Variants in GIT1 observed in about 807,000 individuals in gnomAD.
GIT1 encodes the protein ARF GTPase-activating protein GIT1.
Under a neutral mutation model 91.7 loss-of-function variants are expected in GIT1, and 14 were observed. The ratio of observed to expected loss-of-function variants is 0.15; its 90% CI spans 0.10 to 0.24. The LOEUF (loss-of-function observed/expected upper bound fraction) is 0.24. GIT1 is among the 10% of genes least tolerant of loss of function. The pLI, the probability that GIT1 is intolerant of heterozygous loss-of-function variation, is 1.00. For missense variants in GIT1, 717 were observed against 1,024.9 expected, an observed-to-expected ratio of 0.70 and a Z score of 4.10; for synonymous variants, 414 against 418.2, an observed-to-expected ratio of 0.99 and a Z score of 0.12.
At chr17:29,582,182 G>A (rs757503564) in intron 4 of GIT1, 38 bp from the exon 5 acceptor site, 11 of 1,444,232 alleles carry the variant, frequency 7.6e-6, no homozygotes, top group East Asian at 2.5e-5. Context: ...ACGCATGTGC[G>A]TGAGGCGCAC....
intron 2 of GIT1, among the ~76,000 whole-genome samples, chr17:29,583,269 T>G (rs1002956428): frequency 5.3e-5 from 8 of 152,076 alleles, no homozygotes; most frequent in African/African-American, 1.9e-4. Context: ...CACGACCACG[T>G]TGATAAGTGG....
intron 1 of GIT1, among the ~76,000 whole-genome samples, chr17:29,584,037 C>T (rs1347199658): frequency 6.6e-6 from 1 of 152,242 alleles, no homozygotes; most frequent in African/African-American, 2.4e-5. Flanking sequence ...ACATGCCTGA[C>T]AGATCACACC....
chr17:29,577,109 C>G, intron 11 of GIT1, 27 bp downstream of exon 11: 1 of 1,609,170 alleles, frequency 6.2e-7, no homozygotes, highest in Non-Finnish European at 8.5e-7. Context: ...CGCCTGCTTC[C>G]CACACCCTCC....
chr17:29,589,342 C>A lies in GIT1; in HGVS notation c.37G>T (p.Asp13Tyr). ...CCGCGCTTACCCGGGGCGCTGCAGT[C>A]CGCACACACCTCCGCTCGCGGCCCC... ...RKGPRAEVCA[D>Y]CSAPDPGWAS... is the part of the protein sequence containing the mutation. Residue 13 changes from aspartate to tyrosine, a missense_variant, in exon 1 of 20, where the codon GAC (aspartate) becomes TAC (tyrosine). Around this residue, in one of 3 missense-constraint regions of GIT1, gnomAD observed 271 missense variants for 451.6 expected, o/e 0.60. Coordinates refer to ENST00000225394, the MANE Select transcript of GIT1 (RefSeq NM_014030.4). The surrounding 1 kb of genome is among the most constrained non-coding windows in gnomAD (Gnocchi z 5.2). The A allele has an allele frequency of 9.2e-7, 1 of 1,086,306 alleles. No homozygotes were observed. The highest frequency in any genetic ancestry group is 1.1e-6 in the Non-Finnish European group (1 of 884,828). 67.3% of individuals were successfully genotyped at this position (1,086,306 alleles called of 1,614,324 possible).
rs3211044 is a variant in GIT1 at position 29,574,040 on chromosome 17, C to G, written c.*662G>C. 1 of 152,286 alleles carries G rather than the reference C, an allele frequency of 6.6e-6. No homozygotes were observed. The highest frequency in any genetic ancestry group is 1.9e-4 in the East Asian group (1 of 5,166). The allele number at this position is 152,286 out of a possible 1,614,324, so 9.4% of individuals were successfully genotyped here. A position where few individuals can be genotyped will look rare whatever the true frequency, so the allele number is the denominator to read the frequency against. ...CTCCAGATGGACCAGGCCTCCGGAA[C>G]GGCACTGCCGCCCACACACTCAACA... On this transcript the variant is annotated 3_prime_UTR_variant, in exon 20 of 20. Coordinates refer to ENST00000225394, the MANE Select transcript of GIT1 (RefSeq NM_014030.4).
chr17:29,584,992 C>T (rs3110491), intron 1 of GIT1, among the ~76,000 whole-genome samples: 70,244 of 139,084 alleles, frequency 0.51, 19,043 homozygotes, highest in African/African-American at 0.69. Flanking sequence ...AGACGGAGTC[C>T]CGCTCTGTCG....
chr17:29,581,656 G>A lies in GIT1; in HGVS notation c.718+86C>T. 1 of 1,014,334 alleles carries A rather than the reference G, an allele frequency of 9.9e-7. No individual in the cohort carries two copies. Among genetic ancestry groups the A allele is most frequent in the Non-Finnish European group, 1.5e-6 (1 of 657,576 alleles). 62.8% of individuals were successfully genotyped at this position (1,014,334 alleles called of 1,614,324 possible). ...GCTCCCCAGCCGCTCTGTCACCATG[G>A]CACCTGCTGCCGGGTGCGTCCAGGT... On this transcript the variant is annotated intron_variant, in intron 6 of 19. Coordinates refer to ENST00000225394, the MANE Select transcript of GIT1 (RefSeq NM_014030.4). This position sits in a 1 kb window ranked among gnomAD's most constrained non-coding sequence, Gnocchi z 4.8.
In GIT1 at chr17:29,575,031, C is replaced by A. The variant is rs759797448; in HGVS notation, c.2073+48G>T. 6.6e-7 allele frequency: 1 copy of A among 1,508,358 alleles called. No homozygotes were observed. The highest frequency in any genetic ancestry group is 9.1e-7 in the Non-Finnish European group (1 of 1,103,942). The allele number at this position is 1,508,358 out of a possible 1,614,324, so 93.4% of individuals were successfully genotyped here. On this transcript the variant is annotated intron_variant, in intron 19 of 19. Coordinates refer to ENST00000225394, the MANE Select transcript of GIT1 (RefSeq NM_014030.4). The surrounding 1 kb of genome is among the most constrained non-coding windows in gnomAD (Gnocchi z 5.5). ...ATCAGATGGGATTCTCCACGCCTGC[C>A]CCAGCTCGAGGCCCTCCCACTCCTG...
In GIT1 at chr17:29,575,246, A is replaced by C. The variant is rs2033148476; in HGVS notation, c.2009+42T>G. The C allele has an allele frequency of 6.3e-7, 1 of 1,583,520 alleles. No individual in the cohort carries two copies. Among genetic ancestry groups the C allele is most frequent in the African/African-American group, 1.3e-5 (1 of 74,264 alleles). ...TGCTCTCTGCAACACCCTAGAAGCC[A>C]ACAGGAACTGCATCCCCCTCACCTC... On this transcript the variant is annotated intron_variant, in intron 18 of 19. Transcript: ENST00000225394. The surrounding 1 kb of genome is among the most constrained non-coding windows in gnomAD (Gnocchi z 5.5).
Position 29,578,606 on chromosome 17 carries a change from G to C in GIT1, c.810+125C>G, listed in dbSNP as rs2033294999. On this transcript the variant is annotated intron_variant, in intron 8 of 19. Coordinates refer to ENST00000225394, the MANE Select transcript of GIT1 (RefSeq NM_014030.4). The stretch of plus-strand genomic sequence containing the variant: ...CAGGGAGAGGGGACTGCTGAGGCCA[G>C]TGAGGGGACAGGTCAAAGACTTGGA... 3.2e-6 allele frequency: 3 copies of C among 944,662 alleles called. No homozygotes were observed. In the African/African-American group the frequency reaches 4.8e-5, roughly 15 times the overall value. The allele number at this position is 944,662 out of a possible 1,614,324, so 58.5% of individuals were successfully genotyped here. A position where few individuals can be genotyped will look rare whatever the true frequency, so the allele number is the denominator to read the frequency against.
intron 9 of GIT1, among the ~76,000 whole-genome samples, chr17:29,578,029 G>A (rs555029413): frequency 1.2e-4 from 18 of 152,332 alleles, no homozygotes; most frequent in African/African-American, 4.1e-4. Flanking sequence ...GGGGTGGAGC[G>A]GTACCAGGGA....
intron 3 of GIT1, 31 bp downstream of exon 3, chr17:29,582,894 C>T (rs1307876220): frequency 6.4e-7 from 1 of 1,563,370 alleles, no homozygotes; most frequent in Non-Finnish European, 8.8e-7. Flanking sequence ...ACTGCGCAGT[C>T]TCTGCCCACC....
At position 29,578,756 on chromosome 17, in the gene GIT1, T is replaced by G. The variant is rs1452162719; in HGVS notation, c.785A>C (p.Lys262Thr). 3.1e-6 allele frequency: 5 copies of G among 1,614,080 alleles called. No homozygotes were observed. Among genetic ancestry groups the G allele is most frequent in the Non-Finnish European group, 4.2e-6 (5 of 1,180,002 alleles). Residue 262 changes from lysine (K) to threonine (T), a missense_variant, in exon 8 of 20, where the codon AAA (lysine) becomes ACA (threonine). Around this residue, in one of 3 missense-constraint regions of GIT1, gnomAD observed 271 missense variants for 451.6 expected, o/e 0.60. Coordinates refer to ENST00000225394, the MANE Select transcript of GIT1 (RefSeq NM_014030.4). ...ADSLDLSELAKAAKKKLQALS... is the reference protein window; with the variant it reads ...ADSLDLSELATAAKKKLQALS... ...CGCCTGCAGCTTCTTCTTAGCAGCT[T>G]TGGCCAATTCGGATAAGTCAAGGCT...
At chr17:29,579,039 T>C (rs758049650) in intron 7 of GIT1, 4 of 1,576,344 alleles carry the variant, frequency 2.5e-6, no homozygotes, top group East Asian at 4.5e-5. Flanking sequence ...AGGCGGCAGT[T>C]ACCCAGGAGC....
rs547730491 is a variant in GIT1 at position 29,574,298 on chromosome 17, C to T, written c.*404G>A. On this transcript the variant is annotated 3_prime_UTR_variant, in exon 20 of 20. Coordinates refer to ENST00000225394, the MANE Select transcript of GIT1 (RefSeq NM_014030.4). The stretch of plus-strand genomic sequence containing the variant: ...CTATGTACAAAGGAGGGGATGCCCC[C>T]GCTCAGCCCCCAGTAGGGCTGAACT... 2.9e-4 allele frequency: 70 copies of T among 238,332 alleles called. No individual in the cohort carries two copies. The highest frequency in any genetic ancestry group is 5.4e-4 in the Non-Finnish European group (65 of 119,566). 14.8% of individuals were successfully genotyped at this position (238,332 alleles called of 1,614,324 possible).
chr17:29,580,460 A>C (rs1396197325), intron 7 of GIT1, among the ~76,000 whole-genome samples: 1 of 152,202 alleles, frequency 6.6e-6, no homozygotes, highest in Non-Finnish European at 1.5e-5. Flanking sequence ...ACAGCCTGGC[A>C]TGAGGACATG....
intron 8 of GIT1, 118 bp downstream of exon 8, chr17:29,578,613 G>A: frequency 1.0e-6 from 1 of 977,008 alleles, no homozygotes; most frequent in Non-Finnish European, 1.7e-6. Context: ...CCAGTGAGGG[G>A]ACAGGTCAAA....
Position 29,581,475 on chromosome 17 carries a change from A to G in GIT1, c.719-95T>C. ...ACTGCCATGAGCAGGGCTGGCACCC[A>G]GAAGTGTCAGGGGAAAGTGGGGAGG... is the stretch of plus-strand genomic sequence containing the variant. On this transcript the variant is annotated intron_variant, in intron 6 of 19. Coordinates refer to ENST00000225394, the MANE Select transcript of GIT1 (RefSeq NM_014030.4). The surrounding 1 kb of genome is among the most constrained non-coding windows in gnomAD (Gnocchi z 4.8). 1 of 1,018,970 alleles carries G rather than the reference A, an allele frequency of 9.8e-7. No homozygotes were observed. The highest frequency in any genetic ancestry group is 1.3e-5 in the South Asian group (1 of 78,006). 63.1% of individuals were successfully genotyped at this position (1,018,970 alleles called of 1,614,324 possible). A position where few individuals can be genotyped will look rare whatever the true frequency, so the allele number is the denominator to read the frequency against.
Position 29,582,716 on chromosome 17 carries a change from G to A in GIT1, c.387C>T (p.Thr129=), listed in dbSNP as rs544991985. 1.1e-5 allele frequency: 18 copies of A among 1,612,374 alleles called. No homozygotes were observed. Among genetic ancestry groups the A allele is most frequent in the Middle Eastern group, 3.3e-4 (2 of 6,084 alleles). The change falls in exon 4 of 20, where the codon ACC becomes ACT. Residue 129 remains threonine, a synonymous_variant. Coordinates refer to ENST00000225394, the MANE Select transcript of GIT1 (RefSeq NM_014030.4). The stretch of plus-strand genomic sequence containing the variant: ...CTCAAACCTTGCTGAGGTCTTTGGC[G>A]GTGACTCCATCATCGTCCCGGCAGG... ...KLPCRDDDGV[T]AKDLSKQLHS...
Sources: gnomAD v4.1 joint callset for allele counts (sites outside exome capture counted in the v4.1 genomes callset) on GRCh38, gnomAD v4.1.1 for gene constraint, gnomAD v4.1.1 regional missense constraint, Gnocchi (gnomAD v3.1) non-coding constraint, MANE v1.5 for transcripts, NCBI Gene and HGNC (gene_info 2026-07-23, HGNC 2026-07-21) for gene names.